Variants in NTRK1 observed in about 807,000 individuals in gnomAD.
The protein encoded by NTRK1 is neurotrophic receptor tyrosine kinase 1, also known as high affinity nerve growth factor receptor.
Under a neutral mutation model 86.8 loss-of-function variants are expected in NTRK1, and 62 were observed. That is an observed-to-expected ratio of 0.71 (90% CI 0.58 to 0.88). The LOEUF is 0.88. Ranked by LOEUF, NTRK1 falls within the 40% of genes least tolerant of loss-of-function variation. The pLI, the probability that NTRK1 is intolerant of heterozygous loss-of-function variation, is 0.00. For missense variants in NTRK1, 967 were observed against 1,078.4 expected (o/e 0.90, Z 1.45); for synonymous variants, 469 against 456.6 (o/e 1.03, Z -0.35).
intron 1 of NTRK1, among the ~76,000 whole-genome samples, chr1:156,829,249 C>T (rs1311717987): frequency 6.6e-6 from 1 of 152,160 alleles, no homozygotes; most frequent in East Asian, 1.9e-4. Context: ...AGGAGCCAGC[C>T]ATTCAAGGTC....
At chr1:156,849,217 G>A (rs1346171373) in intron 2 of NTRK1, 1 of 1,610,916 alleles carries the variant, frequency 6.2e-7, no homozygotes, top group African/African-American at 1.3e-5. Flanking sequence ...GTGGCCGCGT[G>A]TCCACCGGCA....
chr1:156,858,283 C>T (rs1157328843), upstream of NTRK1, among the ~76,000 whole-genome samples: 1 of 152,214 alleles, frequency 6.6e-6, no homozygotes, highest in African/African-American at 2.4e-5. Flanking sequence ...ATCACAGTTT[C>T]ACTAGTAGGG....
At chr1:156,817,047 T>TTCCCTCTCTCTCTCTCTCTCTCTCTC (rs1654009287) in intron 1 of NTRK1, among the ~76,000 whole-genome samples, 1 of 113,782 alleles carries the variant, frequency 8.8e-6, no homozygotes. Context: ...GAACTTCCCT[T>TTCCCTCTCTCTCTCTCTCTCTCTCTC]TCTCTCTCTC....
At chr1:156,849,760 G>T (rs1655138763) in intron 2 of NTRK1, among the ~76,000 whole-genome samples, 1 of 152,008 alleles carries the variant, frequency 6.6e-6, no homozygotes, top group African/African-American at 2.4e-5. Context: ...CCTGCTATGT[G>T]CCAGACTCTG....
At chr1:156,855,935 GTGTT>G (rs1655393443), upstream of NTRK1, among the ~76,000 whole-genome samples, 1 of 151,926 alleles carries the variant, frequency 6.6e-6, no homozygotes, top group African/African-American at 2.4e-5. Context: ...GTGTGTGTGT[GTGTT>G]TGTATGTGTA....
At chr1:156,874,344 C>A (rs918368642) in intron 8 of NTRK1, 39 bp from the exon 9 acceptor site, 3 of 1,614,010 alleles carry the variant, frequency 1.9e-6, no homozygotes, top group Non-Finnish European at 2.5e-6. Context: ...TGCTTTCTCT[C>A]CTCCCTCTGA....
intron 2 of NTRK1, chr1:156,849,513 G>GGGGGGGGGGGGGGGGGGGGGGGA: frequency 2.1e-6 from 1 of 486,122 alleles, no homozygotes; most frequent in Non-Finnish European, 4.1e-6. Flanking sequence ...CAGGGGGTGG[G>GGGGGGGGGGGGGGGGGGGGGGGA]AAAGGGGATG....
At chr1:156,846,603 G>T (rs762538907) in intron 2 of NTRK1, 1 of 1,613,968 alleles carries the variant, frequency 6.2e-7, no homozygotes, top group Non-Finnish European at 8.5e-7. Flanking sequence ...GTGATGGCCC[G>T]CACAAACACT....
At position 156,873,792 on chromosome 1, in the gene NTRK1, C is replaced by G. The variant is rs2102905574; in HGVS notation, c.1010C>G (p.Ala337Gly). Residue 337 changes from alanine to glycine, a missense_variant, in exon 8 of 17, where the codon GCC (alanine) becomes GGC (glycine). Ala to Gly is a moderately conservative substitution (Grantham distance 60). Transcript: ENST00000524377. ...FIFTEFLEPAANETVRHGCLR... is the reference protein window; with the variant it reads ...FIFTEFLEPAGNETVRHGCLR... ...TTCACTGAGTTCCTGGAGCCGGCAG[C>G]CAATGAGACCGTGCGGCACGGGTGT... 1 of 1,613,276 alleles carries G rather than the reference C, an allele frequency of 6.2e-7. No homozygotes were observed. Among genetic ancestry groups the G allele is most frequent in the Non-Finnish European group, 8.5e-7 (1 of 1,179,726 alleles).
intron 4 of NTRK1, 37 bp from the exon 5 acceptor site, chr1:156,868,067 T>C (rs1647273374): frequency 6.2e-7 from 1 of 1,612,912 alleles, no homozygotes; most frequent in Non-Finnish European, 8.5e-7. Flanking sequence ...CCTCAGGCCC[T>C]TTCCTTGACT....
rs143166774 is a variant in NTRK1, at chr1:156,854,104, G to A, written c.51-10250G>A. On this transcript the variant is annotated intron_variant, in intron 2 of 16. Coordinates refer to the NTRK1 transcript ENST00000392302. The surrounding 1 kb of genome is among the most constrained non-coding windows in gnomAD (Gnocchi z 4.2). Reference sequence around the variant, plus strand: ...TGACTGCTAGGTTGGGGAAGAGGTCGCGCAGGCTCTCCAGTCCGTAGACAC... The same window carrying A: ...TGACTGCTAGGTTGGGGAAGAGGTCACGCAGGCTCTCCAGTCCGTAGACAC... 731 of 1,614,096 alleles carry A rather than the reference G, an allele frequency of 4.5e-4. 3 individuals are homozygous for A. Among genetic ancestry groups the A allele is most frequent in the South Asian group, 6.9e-4 (63 of 91,088 alleles).
intron 1 of NTRK1, among the ~76,000 whole-genome samples, chr1:156,828,580 T>C (rs1488925708): frequency 6.6e-6 from 1 of 152,220 alleles, no homozygotes; most frequent in Non-Finnish European, 1.5e-5. Context: ...GTGTGGCAGA[T>C]GATTCTTCAC....
Position 156,860,955 on chromosome 1 carries a change from C to G in NTRK1, c.21C>G (p.Arg7=). MLRGGR[R]GQLGWHSWAA... Reference sequence around the variant, plus strand: ...CCGCGATGCTGCGAGGCGGACGGCGCGGGCAGCTTGGCTGGCACAGCTGGG... The same window carrying G: ...CCGCGATGCTGCGAGGCGGACGGCGGGGGCAGCTTGGCTGGCACAGCTGGG... The change falls in exon 1 of 17, where the codon CGC becomes CGG. Residue 7 remains arginine (R), a synonymous_variant. Transcript: ENST00000524377. The G allele has an allele frequency of 1.3e-6, 2 of 1,501,788 alleles. No individual in the cohort carries two copies. 93.0% of individuals were successfully genotyped at this position (1,501,788 alleles called of 1,614,324 possible).
chr1:156,874,443 G>A (rs2102909214), intron 9 of NTRK1, 43 bp downstream of exon 9: 8 of 1,614,036 alleles, frequency 5.0e-6, no homozygotes, highest in Non-Finnish European at 5.9e-6. Context: ...CTGGTCTCTG[G>A]AGCTGAGGCT....
At chr1:156,818,587 T>A (rs1654091653) in intron 1 of NTRK1, among the ~76,000 whole-genome samples, 1 of 152,226 alleles carries the variant, frequency 6.6e-6, no homozygotes, top group Non-Finnish European at 1.5e-5. Flanking sequence ...TGATTTTCCA[T>A]TCCTGAGTTA....
chr1:156,862,584 G>A (rs572045792), intron 1 of NTRK1, among the ~76,000 whole-genome samples: 1 of 152,264 alleles, frequency 6.6e-6, no homozygotes, highest in Non-Finnish European at 1.5e-5. Context: ...GCTGCAGCCT[G>A]ACATCCCCCT....
chr1:156,844,822 C>A, intron 2 of NTRK1: 1 of 1,614,092 alleles, frequency 6.2e-7, no homozygotes. Flanking sequence ...GGCCACCTTT[C>A]CTGGAATACC....
chr1:156,857,187 G>A (rs897959393), upstream of NTRK1, among the ~76,000 whole-genome samples: 2 of 126,648 alleles, frequency 1.6e-5, no homozygotes, highest in African/African-American at 6.6e-5. Context: ...GTGTGTGTGT[G>A]TGTGTGTGTG....
At chr1:156,843,160 A>T in intron 2 of NTRK1, 2 of 1,613,978 alleles carry the variant, frequency 1.2e-6, no homozygotes. Flanking sequence ...ATACCATCCC[A>T]AAAGAGCCCT....
Sources: allele counts gnomAD v4.1 joint callset (sites outside exome capture counted in the v4.1 genomes callset), GRCh38; gene constraint gnomAD v4.1.1; non-coding constraint Gnocchi (gnomAD v3.1); transcripts MANE v1.5; gene names NCBI Gene and HGNC (gene_info 2026-07-23, HGNC 2026-07-21).